Variants in GMPS observed in about 807,000 individuals in gnomAD.
GMPS encodes the protein guanosine monophosphate synthase, also known as GMP synthase [glutamine-hydrolyzing].
GMPS carries 15 observed loss-of-function variants against 77.9 expected under a neutral mutation model. That is an observed-to-expected ratio of 0.19 (90% confidence interval 0.13 to 0.30). GMPS has a LOEUF of 0.30. Ranked by LOEUF, GMPS falls within the 10% of genes least tolerant of loss-of-function variation. The pLI is 1.00. For synonymous variants in GMPS, 224 were observed against 275.9 expected (o/e 0.81, Z 1.86); for missense variants, 590 against 838.8 (o/e 0.70, Z 3.66).
At chr3:155,937,006 G>A (rs1755781256) in intron 15 of GMPS, among the ~76,000 whole-genome samples, 1 of 152,148 alleles carries the variant, frequency 6.6e-6, no homozygotes, top group Non-Finnish European at 1.5e-5. Context: ...CTATTAGTTG[G>A]GCCACTGCCT....
intron 7 of GMPS, among the ~76,000 whole-genome samples, chr3:155,912,865 G>C (rs184402376): frequency 1.3e-5 from 2 of 152,266 alleles, no homozygotes; most frequent in African/African-American, 4.8e-5. Context: ...TTCTTTTTGG[G>C]ACATTGGTCT....
intron 1 of GMPS, among the ~76,000 whole-genome samples, chr3:155,892,052 T>G (rs1754485292): frequency 6.6e-6 from 1 of 152,184 alleles, no homozygotes. Context: ...TCTGCAAATT[T>G]TACAACTAGA....
rs757420144 is a variant in GMPS at position 155,911,260 on chromosome 3, G to T, written c.867G>T (p.Lys289Asn). The change falls in exon 7 of 16, where the codon AAG becomes AAT. Residue 289 changes from lysine (K) to asparagine (N), a missense_variant. Around this residue, in one of 6 missense-constraint regions of GMPS, gnomAD observed 181 missense variants for 186.8 expected, o/e 0.97. Coordinates refer to ENST00000496455, the MANE Select transcript of GMPS (RefSeq NM_003875.3). Reference protein sequence around the residue: ...ESQSVEEALKKLGIQVKVINA... With the variant: ...ESQSVEEALKNLGIQVKVINA... ...AGTCTGTTGAAGAGGCCCTCAAAAA[G>T]CTTGGAATTCAGGTCAAAGGTATTG... The T allele has an allele frequency of 3.9e-5, 62 of 1,607,998 alleles. No homozygotes were observed. Among genetic ancestry groups the T allele is most frequent in the Non-Finnish European group, 4.8e-5 (56 of 1,177,926 alleles).
At chr3:155,899,276 G>A (rs1379933489) in intron 3 of GMPS, among the ~76,000 whole-genome samples, 1 of 152,070 alleles carries the variant, frequency 6.6e-6, no homozygotes, top group Non-Finnish European at 1.5e-5. Context: ...GCTGAGGCAG[G>A]AGAATCACTT....
intron 1 of GMPS, among the ~76,000 whole-genome samples, chr3:155,879,931 C>CT (rs1173067155): frequency 2.5e-5 from 3 of 120,474 alleles, no homozygotes; most frequent in Admixed American, 1.9e-4. Context: ...GATTATTTTT[C>CT]TTTTTTATTG....
At chr3:155,879,730 CTTTTTTTT>C in intron 1 of GMPS, among the ~76,000 whole-genome samples, 1 of 107,634 alleles carries the variant, frequency 9.3e-6, no homozygotes, top group Admixed American at 1.2e-4. Context: ...CTTTTTTGCC[CTTTTTTTT>C]TTTTTTTTTT....
At chr3:155,896,680 C>T (rs996049842) in intron 2 of GMPS, among the ~76,000 whole-genome samples, 3 of 150,394 alleles carry the variant, frequency 2.0e-5, no homozygotes, top group African/African-American at 7.3e-5. Flanking sequence ...CTCTGTTTCC[C>T]AAAGTGCTGT....
chr3:155,909,962 A>G (rs964884326), intron 5 of GMPS, among the ~76,000 whole-genome samples: 4 of 151,796 alleles, frequency 2.6e-5, no homozygotes, highest in African/African-American at 7.3e-5. Context: ...AAAATAAAAT[A>G]GGCCGGGCGC....
At chr3:155,914,790 A>C (rs1243100110) in intron 8 of GMPS, among the ~76,000 whole-genome samples, 1 of 151,180 alleles carries the variant, frequency 6.6e-6, no homozygotes, top group African/African-American at 2.4e-5. Flanking sequence ...TTTGAGACAG[A>C]GTCTTGCTGT....
At chr3:155,888,421 C>G (rs1383671933) in intron 1 of GMPS, among the ~76,000 whole-genome samples, 8 of 151,568 alleles carry the variant, frequency 5.3e-5, no homozygotes, top group South Asian at 2.1e-4. Flanking sequence ...GTTCTTTATT[C>G]CCTCTATTTT....
chr3:155,882,188 T>C (rs1397101415), intron 1 of GMPS, among the ~76,000 whole-genome samples: 1 of 152,254 alleles, frequency 6.6e-6, no homozygotes, highest in Non-Finnish European at 1.5e-5. Flanking sequence ...GGAAGTATGT[T>C]CTATCTATAA....
At chr3:155,920,440 T>TG (rs948626966) in intron 10 of GMPS, among the ~76,000 whole-genome samples, 5 of 151,834 alleles carry the variant, frequency 3.3e-5, no homozygotes, top group African/African-American at 1.2e-4. Context: ...CCAGGTGTGG[T>TG]GGCATGTGCC....
At position 155,880,260 on chromosome 3, in the gene GMPS, C is replaced by T. The variant is rs1353622753; in HGVS notation, c.27+9363C>T. Among the ~76,000 whole-genome samples the T allele has an allele frequency of 2.6e-5, 4 of 152,034 alleles. No individual in the cohort carries two copies. In the East Asian group the frequency reaches 7.7e-4, roughly 29 times the overall value. The stretch of plus-strand genomic sequence containing the variant: ...TTTTGAGATAATTTTTGTATCTTTT[C>T]TAAGGTGGGTTTAATCTGACTTAGG... On this transcript the variant is annotated intron_variant, in intron 1 of 15. Coordinates refer to ENST00000496455, the MANE Select transcript of GMPS (RefSeq NM_003875.3).
intron 13 of GMPS, among the ~76,000 whole-genome samples, chr3:155,934,643 G>T (rs1755715201): frequency 6.6e-6 from 1 of 152,178 alleles, no homozygotes; most frequent in South Asian, 2.1e-4. Flanking sequence ...AGTGAAAAGA[G>T]AGTTGTAATA....
chr3:155,870,982 ACC>A (rs1753890491), intron 1 of GMPS, 85 bp downstream of exon 1: 4 of 1,231,452 alleles, frequency 3.2e-6, no homozygotes, highest in Non-Finnish European at 3.2e-6. Flanking sequence ...GCCCTTCCCC[ACC>A]CCCTTCCCCC....
chr3:155,878,217 A>G (rs570856702), intron 1 of GMPS, among the ~76,000 whole-genome samples: 1 of 152,196 alleles, frequency 6.6e-6, no homozygotes, highest in Non-Finnish European at 1.5e-5. Flanking sequence ...GGACACAAAC[A>G]TTCAGACCGT....
At chr3:155,925,427 C>G in intron 12 of GMPS, 61 bp downstream of exon 12, 2 of 1,366,506 alleles carry the variant, frequency 1.5e-6, no homozygotes, top group African/African-American at 1.5e-5. Context: ...TTTCTTGAGA[C>G]GGAGTCTCAC....
At chr3:155,886,432 G>A (rs984834429) in intron 1 of GMPS, among the ~76,000 whole-genome samples, 18 of 151,266 alleles carry the variant, frequency 1.2e-4, no homozygotes, top group African/African-American at 3.6e-4. Context: ...AAAATTAGCC[G>A]GGCGTGGTGG....
At chr3:155,915,815 C>T (rs777360297) in intron 8 of GMPS, among the ~76,000 whole-genome samples, 7 of 152,166 alleles carry the variant, frequency 4.6e-5, no homozygotes, top group Non-Finnish European at 1.0e-4. Context: ...GGATTACAGG[C>T]GTGAGCCACT....
Sources: allele counts gnomAD v4.1 joint callset (sites outside exome capture counted in the v4.1 genomes callset), GRCh38; gene constraint gnomAD v4.1.1; regional missense constraint gnomAD v4.1.1; transcripts MANE v1.5; gene names NCBI Gene and HGNC (gene_info 2026-07-23, HGNC 2026-07-21).